Variants in HS6ST3 observed in about 807,000 individuals in gnomAD.
HS6ST3 encodes the protein heparan sulfate 6-O-sulfotransferase 3.
In HS6ST3, 12 loss-of-function variants were observed where a neutral mutation model predicts 36.7. That is an observed-to-expected ratio of 0.33 (90% confidence interval 0.21 to 0.53). HS6ST3 has a LOEUF of 0.53. Ranked by LOEUF, HS6ST3 falls within the 20% of genes least tolerant of loss-of-function variation. The pLI, the probability that HS6ST3 is intolerant of heterozygous loss-of-function variation, is 0.95. For missense variants in HS6ST3, 584 were observed against 640.9 expected, an observed-to-expected ratio of 0.91 and a Z score of 0.96; for synonymous variants, 240 against 257.5, an observed-to-expected ratio of 0.93 and a Z score of 0.65.
At chr13:96,382,511 T>C (rs2055346236) in intron 1 of HS6ST3, among the ~76,000 whole-genome samples, 1 of 152,206 alleles carries the variant, frequency 6.6e-6, no homozygotes, top group South Asian at 2.1e-4. Context: ...AGGTCATGCT[T>C]TCATTCTTAC....
intron 1 of HS6ST3, among the ~76,000 whole-genome samples, chr13:96,304,249 G>T (rs2054898260): frequency 6.6e-6 from 1 of 151,992 alleles, no homozygotes; most frequent in Non-Finnish European, 1.5e-5. Flanking sequence ...TACTAGGTTA[G>T]TCATTGATTA....
intron 1 of HS6ST3, among the ~76,000 whole-genome samples, chr13:96,537,903 G>A (rs535925655): frequency 1.3e-5 from 2 of 152,310 alleles, no homozygotes; most frequent in South Asian, 2.1e-4. Context: ...CATCATGGTG[G>A]GAGATGCAGG....
intron 1 of HS6ST3, among the ~76,000 whole-genome samples, chr13:96,250,641 T>A (rs968381677): frequency 6.6e-6 from 1 of 152,156 alleles, no homozygotes; most frequent in African/African-American, 2.4e-5. Flanking sequence ...CAGAATACAT[T>A]TCTATTGGTT....
intron 1 of HS6ST3, among the ~76,000 whole-genome samples, chr13:96,221,043 A>G (rs1472971939): frequency 2.0e-5 from 3 of 152,194 alleles, no homozygotes; most frequent in African/African-American, 4.8e-5. Flanking sequence ...AGAAATAGCT[A>G]ATAAAGAAGA....
intron 1 of HS6ST3, among the ~76,000 whole-genome samples, chr13:96,107,052 A>C (rs1263963258): frequency 1.3e-5 from 2 of 152,208 alleles, no homozygotes; most frequent in Admixed American, 1.3e-4. Flanking sequence ...GTGAGTAGCA[A>C]GGGAGTTATG....
chr13:96,588,606 T>C (rs1361637714), intron 1 of HS6ST3, among the ~76,000 whole-genome samples: 1 of 152,250 alleles, frequency 6.6e-6, no homozygotes, highest in Non-Finnish European at 1.5e-5. Context: ...GAATGATCTT[T>C]TGTAATAATG....
intron 1 of HS6ST3, among the ~76,000 whole-genome samples, chr13:96,777,696 A>T (rs568023155): frequency 2.0e-5 from 3 of 152,208 alleles, no homozygotes; most frequent in Non-Finnish European, 4.4e-5. Context: ...ATGGAAAAAC[A>T]TTCCATGTTC....
intron 1 of HS6ST3, among the ~76,000 whole-genome samples, chr13:96,352,418 C>G (rs1340770076): frequency 5.3e-5 from 8 of 152,184 alleles, no homozygotes; most frequent in Non-Finnish European, 2.9e-5. Flanking sequence ...GTGTCAGTTC[C>G]TTCCCTGTGG....
At chr13:96,532,268 T>C (rs768088277) in intron 1 of HS6ST3, among the ~76,000 whole-genome samples, 16 of 152,236 alleles carry the variant, frequency 1.1e-4, no homozygotes, top group Non-Finnish European at 2.2e-4. Flanking sequence ...CATGTATACA[T>C]TATTCTGTTT....
At chr13:96,528,831 C>T (rs549604694) in intron 1 of HS6ST3, among the ~76,000 whole-genome samples, 1 of 152,224 alleles carries the variant, frequency 6.6e-6, no homozygotes, top group Non-Finnish European at 1.5e-5. Context: ...GTGAAAATAA[C>T]ATATTAAAAT....
At chr13:96,296,287 C>T (rs1040656519) in intron 1 of HS6ST3, among the ~76,000 whole-genome samples, 1 of 152,148 alleles carries the variant, frequency 6.6e-6, no homozygotes, top group Admixed American at 6.6e-5. Flanking sequence ...CTCCAATGAG[C>T]TTGTGGATTC....
chr13:96,270,190 G>A (rs2054713122), intron 1 of HS6ST3, among the ~76,000 whole-genome samples: 1 of 151,786 alleles, frequency 6.6e-6, no homozygotes. Flanking sequence ...GCACAAAGAG[G>A]TCATGTGAGC....
chr13:96,592,134 A>G (rs1315588873), intron 1 of HS6ST3, among the ~76,000 whole-genome samples: 3 of 152,178 alleles, frequency 2.0e-5, no homozygotes, highest in South Asian at 2.1e-4. Flanking sequence ...ATCCATATTC[A>G]TCAAGGATAA....
intron 1 of HS6ST3, among the ~76,000 whole-genome samples, chr13:96,178,521 T>A (rs2054223367): frequency 6.6e-6 from 1 of 152,198 alleles, no homozygotes; most frequent in East Asian, 1.9e-4. Flanking sequence ...GCAGTGTAGA[T>A]CTCATGCTTC....
intron 1 of HS6ST3, among the ~76,000 whole-genome samples, chr13:96,790,270 TACAC>T (rs56867063): frequency 0.038 from 5,521 of 144,376 alleles, 297 homozygotes; most frequent in African/African-American, 0.13. Flanking sequence ...AACACACATG[TACAC>T]ACACACACAC....
At chr13:96,479,059 T>C (rs2055877364) in intron 1 of HS6ST3, among the ~76,000 whole-genome samples, 1 of 152,092 alleles carries the variant, frequency 6.6e-6, no homozygotes, top group African/African-American at 2.4e-5. Context: ...CACTAGAAAA[T>C]AGTGTCTGTG....
At chr13:96,140,969 T>C (rs1022030342) in intron 1 of HS6ST3, among the ~76,000 whole-genome samples, 2 of 152,314 alleles carry the variant, frequency 1.3e-5, no homozygotes, top group Admixed American at 6.5e-5. Context: ...GAAGCAGCTT[T>C]TCCTGACAAG....
intron 1 of HS6ST3, among the ~76,000 whole-genome samples, chr13:96,213,374 C>G (rs2054408239): frequency 6.6e-6 from 1 of 152,116 alleles, no homozygotes; most frequent in African/African-American, 2.4e-5. Flanking sequence ...ATATTTTTAA[C>G]TGTTTGTTTT....
chr13:96,302,849 G>T (rs1310031508), intron 1 of HS6ST3, among the ~76,000 whole-genome samples: 1 of 152,044 alleles, frequency 6.6e-6, no homozygotes, highest in Middle Eastern at 3.2e-3. Context: ...TTGTTTTAAG[G>T]TTCTATATAC....
Sources: gnomAD v4.1 joint callset for allele counts (sites outside exome capture counted in the v4.1 genomes callset) on GRCh38, gnomAD v4.1.1 for gene constraint, MANE v1.5 for transcripts, NCBI Gene and HGNC (gene_info 2026-07-23, HGNC 2026-07-21) for gene names.